The following CDIN1 variants were observed in gnomAD, a reference collection of about 807,000 sequenced individuals.
CDIN1 encodes CDAN1-interacting nuclease 1.
CDIN1 carries 33 observed loss-of-function variants against 45.3 expected under a neutral mutation model. That is an observed-to-expected ratio of 0.73 (90% CI 0.55 to 0.97). CDIN1 has a LOEUF of 0.97. Ranked by LOEUF, CDIN1 falls within the 50% of genes least tolerant of loss-of-function variation. CDIN1 has a pLI of 0.00. For missense variants in CDIN1, 303 were observed against 339.4 expected (o/e 0.89, Z 0.84); for synonymous variants, 118 against 124.4 (o/e 0.95, Z 0.34).
intron 5 of CDIN1, among the ~76,000 whole-genome samples, chr15:36,681,163 C>T (rs1475508871): frequency 6.6e-6 from 1 of 151,630 alleles, no homozygotes; most frequent in Non-Finnish European, 1.5e-5. Context: ...TATATATAAA[C>T]TGAGTAAATA....
chr15:36,671,738 T>G (rs969184546), intron 5 of CDIN1, among the ~76,000 whole-genome samples: 3 of 152,120 alleles, frequency 2.0e-5, no homozygotes, highest in Non-Finnish European at 2.9e-5. Context: ...TTTGAAAGAT[T>G]TTATTGTTAA....
chr15:36,722,982 TGTG>T (rs778766588), intron 10 of CDIN1, among the ~76,000 whole-genome samples: 1,961 of 137,310 alleles, frequency 0.014, 42 homozygotes, highest in African/African-American at 0.051. Flanking sequence ...TGTGTGTGTG[TGTG>T]TTTCTCTCTC....
Position 36,579,913 on chromosome 15 carries a change from T to TGCC in CDIN1, c.57_59dup (p.Pro20dup), listed in dbSNP as rs757840869. 2.5e-6 allele frequency: 4 copies of TGCC among 1,613,976 alleles called. No individual in the cohort carries two copies. In the East Asian group the frequency reaches 6.7e-5, roughly 27 times the overall value. ...GAGATAGCCCAGTGCCTAGTGTCTG[T>TGCC]GCCGCCTACCAGGCAGAGCCTGAGG... On this transcript the variant is annotated inframe_insertion, in exon 1 of 11. Coordinates refer to ENST00000566621, the MANE Select transcript of CDIN1 (RefSeq NM_001321759.2).
At chr15:36,614,155 C>T (rs2038778407) in intron 1 of CDIN1, 1 of 709,976 alleles carries the variant, frequency 1.4e-6, no homozygotes, top group South Asian at 1.4e-5. Context: ...GTATTCTGTA[C>T]ACAGAGGTTG....
intron 5 of CDIN1, among the ~76,000 whole-genome samples, chr15:36,682,134 C>T (rs546069656): frequency 6.6e-6 from 1 of 151,842 alleles, no homozygotes; most frequent in South Asian, 2.1e-4. Flanking sequence ...TGATAAGCCT[C>T]GAGTTACAGT....
chr15:36,628,722 G>A (rs527969209), intron 1 of CDIN1, among the ~76,000 whole-genome samples: 2 of 152,288 alleles, frequency 1.3e-5, no homozygotes, highest in Non-Finnish European at 2.9e-5. Context: ...CCAGAGGGTG[G>A]ATGGTGGTGG....
chr15:36,672,698 A>T (rs1036445117), intron 5 of CDIN1, among the ~76,000 whole-genome samples: 1 of 151,928 alleles, frequency 6.6e-6, no homozygotes, highest in Non-Finnish European at 1.5e-5. Context: ...AGCATCTCAG[A>T]CTACCAAATG....
chr15:36,808,570 G>A lies in CDIN1; in HGVS notation c.*117G>A. On this transcript the variant is annotated 3_prime_UTR_variant, in exon 11 of 11. Coordinates refer to ENST00000566621, the MANE Select transcript of CDIN1 (RefSeq NM_001321759.2). ...CCTGAACTTCAGCTGAACTCTTGCT[G>A]CCCGTAGTCACACCACTACCTCTTT... 1 of 1,356,706 alleles carries A rather than the reference G, an allele frequency of 7.4e-7. No individual in the cohort carries two copies. Among genetic ancestry groups the A allele is most frequent in the East Asian group, 2.5e-5 (1 of 39,950 alleles). The allele number at this position is 1,356,706 out of a possible 1,614,324, so 84.0% of individuals were successfully genotyped here. A position where few individuals can be genotyped will look rare whatever the true frequency, so the allele number is the denominator to read the frequency against.
chr15:36,709,901 T>A lies in CDIN1; in HGVS notation c.656T>A (p.Phe219Tyr). Reference sequence around the variant, plus strand: ...CACTGGATTGAAAGCAAAGCCTCATTTGGTGATGAATGTAGCCACCACGCC... The same window carrying A: ...CACTGGATTGAAAGCAAAGCCTCATATGGTGATGAATGTAGCCACCACGCC... ...IIHWIESKAS[F>Y]GDECSHHAYL... The change falls in exon 10 of 11, where the codon TTT (phenylalanine) becomes TAT (tyrosine). Residue 219 changes from phenylalanine to tyrosine, a missense_variant. Transcript: ENST00000566621. 1.2e-6 allele frequency: 2 copies of A among 1,613,396 alleles called. No individual in the cohort carries two copies. The highest frequency in any genetic ancestry group is 1.7e-6 in the Non-Finnish European group (2 of 1,179,496).
chr15:36,638,109 A>G (rs559371245), intron 1 of CDIN1, among the ~76,000 whole-genome samples: 1 of 152,190 alleles, frequency 6.6e-6, no homozygotes, highest in African/African-American at 2.4e-5. Context: ...AATAAAAATA[A>G]TTTTTAAAAA....
intron 1 of CDIN1, among the ~76,000 whole-genome samples, chr15:36,593,132 G>A (rs1246342006): frequency 3.9e-5 from 6 of 152,108 alleles, no homozygotes; most frequent in African/African-American, 7.2e-5. Flanking sequence ...TTGCTACTGC[G>A]GTTATATTAT....
intron 1 of CDIN1, chr15:36,617,838 C>CTTTTA (rs2038969602): frequency 1.3e-6 from 1 of 780,076 alleles, no homozygotes; most frequent in Non-Finnish European, 2.3e-6. Flanking sequence ...ACACAAAAGG[C>CTTTTA]TTTTAAATCC....
At chr15:36,800,319 T>TAGA (rs1279641214) in intron 10 of CDIN1, among the ~76,000 whole-genome samples, 1 of 152,128 alleles carries the variant, frequency 6.6e-6, no homozygotes, top group African/African-American at 2.4e-5. Flanking sequence ...TAAGAAAAAG[T>TAGA]AGATGAAACA....
chr15:36,650,431 T>C (rs2040526748), intron 3 of CDIN1, among the ~76,000 whole-genome samples: 1 of 146,160 alleles, frequency 6.8e-6, no homozygotes. Flanking sequence ...TATTTATTTA[T>C]TTATTTATTT....
chr15:36,728,939 G>A (rs1362958333), intron 10 of CDIN1, among the ~76,000 whole-genome samples: 1 of 152,102 alleles, frequency 6.6e-6, no homozygotes, highest in African/African-American at 2.4e-5. Context: ...CTCCCAAAGT[G>A]CTCAGATAAC....
At chr15:36,624,231 C>T (rs911514249) in intron 1 of CDIN1, among the ~76,000 whole-genome samples, 1 of 152,128 alleles carries the variant, frequency 6.6e-6, no homozygotes, top group African/African-American at 2.4e-5. Flanking sequence ...TCTTAAGACA[C>T]ATAGAGAAAC....
intron 7 of CDIN1, among the ~76,000 whole-genome samples, chr15:36,694,201 A>G (rs1179800882): frequency 6.6e-6 from 1 of 152,194 alleles, no homozygotes; most frequent in African/African-American, 2.4e-5. Context: ...AGAGAAACTG[A>G]TGTTGTCTCT....
At chr15:36,755,286 C>A (rs994940616) in intron 10 of CDIN1, among the ~76,000 whole-genome samples, 6 of 152,176 alleles carry the variant, frequency 3.9e-5, no homozygotes, top group Non-Finnish European at 8.8e-5. Context: ...AGATTAACAT[C>A]ACAACCATCA....
In CDIN1 at chr15:36,738,172, G is replaced by A. The variant is rs780324195; in HGVS notation, c.716+28211G>A. On this transcript the variant is annotated intron_variant, in intron 10 of 10. Transcript: ENST00000566621. ...TTTCATCTAGTTTTATACCATCTGCGTGCTAATACTTCCGAAAGCTATGGG... is the reference window on the plus strand; with the variant it reads ...TTTCATCTAGTTTTATACCATCTGCATGCTAATACTTCCGAAAGCTATGGG... 7.9e-5 allele frequency among the ~76,000 whole-genome samples: 12 copies of A among 151,900 alleles called. No individual in the cohort carries two copies. In the South Asian group the frequency reaches 2.1e-3, roughly 26 times the overall value.
Sources: gnomAD v4.1 joint callset for allele counts (sites outside exome capture counted in the v4.1 genomes callset) on GRCh38, gnomAD v4.1.1 for gene constraint, MANE v1.5 for transcripts, NCBI Gene and HGNC (gene_info 2026-07-23, HGNC 2026-07-21) for gene names.